CTXN3: variants seen among roughly 807,000 people sequenced by gnomAD.
CTXN3 encodes cortexin-3.
CTXN3 carries 4 observed loss-of-function variants against 5.0 expected under a neutral mutation model. The observed-to-expected ratio is 0.79, with a 90% CI of 0.39 to 1.82. CTXN3 has a LOEUF of 1.82. Among genes scored for constraint, CTXN3 ranks in the 40% most tolerant of loss-of-function variants. The probability of loss-of-function intolerance (pLI) is 0.04; values close to 1 mark genes in which losing one functional copy is unlikely to be tolerated. For missense variants in CTXN3, 89 were observed against 99.7 expected, an observed-to-expected ratio of 0.89 and a Z score of 0.46; for synonymous variants, 48 against 38.6, an observed-to-expected ratio of 1.24 and a Z score of -0.91.
In CTXN3 at chr5:127,657,493, G is replaced by A; in HGVS notation, c.-29G>A. The A allele has an allele frequency of 1.9e-6, 3 of 1,611,412 alleles. No homozygotes were observed. The highest frequency in any genetic ancestry group is 2.5e-6 in the Non-Finnish European group (3 of 1,178,612). ...TGATGATGGAAGAAAAGAAAACCAGGATATCCTGTGCTCTGGCTTCCCTGG... is the reference window on the plus strand; with the variant it reads ...TGATGATGGAAGAAAAGAAAACCAGAATATCCTGTGCTCTGGCTTCCCTGG... On this transcript the variant is annotated 5_prime_UTR_variant, in exon 3 of 3. Transcript: ENST00000379445.
chr5:127,657,454 T>A lies in CTXN3; in HGVS notation c.-68T>A. On this transcript the variant is annotated 5_prime_UTR_variant, in exon 3 of 3. It removes an upstream start codon present in the reference 5' UTR. Transcript: ENST00000379445. ...CAGCCTCTCCAGAGTGCAGCCACCA[T>A]GACCTCCGCAGATTGATGATGGAAG... The A allele has an allele frequency of 6.3e-7, 1 of 1,582,602 alleles. No individual in the cohort carries two copies. Among genetic ancestry groups the A allele is most frequent in the Middle Eastern group, 1.8e-4 (1 of 5,608 alleles).
chr5:127,655,757 A>T (rs990624626), intron 2 of CTXN3, among the ~76,000 whole-genome samples: 4 of 152,190 alleles, frequency 2.6e-5, no homozygotes, highest in Non-Finnish European at 4.4e-5. Flanking sequence ...TTATTTTTTT[A>T]AAATGCGGTC....
intron 2 of CTXN3, among the ~76,000 whole-genome samples, chr5:127,654,384 C>T (rs1235156491): frequency 2.6e-5 from 4 of 152,140 alleles, no homozygotes; most frequent in Admixed American, 2.6e-4. Context: ...TTCCTTTGTA[C>T]CTTGCCTTTT....
intron 1 of CTXN3, chr5:127,651,965 A>C (rs140396301): frequency 5.3e-5 from 8 of 152,344 alleles, no homozygotes; most frequent in African/African-American, 1.2e-4. Flanking sequence ...AGAAGGGTAC[A>C]TGTTGACATT....
chr5:127,655,388 A>T (rs925146858), intron 2 of CTXN3, among the ~76,000 whole-genome samples: 2 of 152,232 alleles, frequency 1.3e-5, no homozygotes, highest in African/African-American at 4.8e-5. Flanking sequence ...GATTCTGATA[A>T]TCCTGCAAGG....
chr5:127,654,241 A>T (rs1400191561), intron 2 of CTXN3, among the ~76,000 whole-genome samples: 2 of 152,214 alleles, frequency 1.3e-5, no homozygotes, highest in African/African-American at 4.8e-5. Context: ...CCAATGTGCT[A>T]CAGAGTTTTA....
intron 2 of CTXN3, among the ~76,000 whole-genome samples, chr5:127,655,245 A>G: frequency 6.6e-6 from 1 of 152,202 alleles, no homozygotes; most frequent in African/African-American, 2.4e-5. Flanking sequence ...CTTGGGCAAC[A>G]AGAGCGAAAC....
At chr5:127,650,688 C>A (rs534179019) in intron 1 of CTXN3, among the ~76,000 whole-genome samples, 1 of 152,140 alleles carries the variant, frequency 6.6e-6, no homozygotes, top group African/African-American at 2.4e-5. Context: ...TAGAATAATA[C>A]ACAGAATTTC....
chr5:127,656,012 C>G (rs1356915569), intron 2 of CTXN3, among the ~76,000 whole-genome samples: 2 of 152,106 alleles, frequency 1.3e-5, no homozygotes, highest in African/African-American at 2.4e-5. Flanking sequence ...TAATGCTGTA[C>G]TTGAAGGCAA....
At chr5:127,653,178 G>T (rs1276299438) in intron 1 of CTXN3, 139 bp from the exon 2 acceptor site, 1 of 152,208 alleles carries the variant, frequency 6.6e-6, no homozygotes, top group African/African-American at 2.4e-5. Context: ...CAATGACTAC[G>T]CCTGCTGGGC....
chr5:127,655,737 C>T (rs1254736296), intron 2 of CTXN3, among the ~76,000 whole-genome samples: 1 of 152,108 alleles, frequency 6.6e-6, no homozygotes, highest in Non-Finnish European at 1.5e-5. Flanking sequence ...CCTCTAAATT[C>T]CTAAAGAGCT....
chr5:127,654,123 G>A (rs868555673), intron 2 of CTXN3, among the ~76,000 whole-genome samples: 8 of 152,242 alleles, frequency 5.3e-5, no homozygotes, highest in Middle Eastern at 3.4e-3. Context: ...ACTTTCCTAG[G>A]TAAAATATTG....
intron 2 of CTXN3, chr5:127,653,770 G>A (rs976454430): frequency 2.0e-5 from 3 of 152,034 alleles, no homozygotes; most frequent in East Asian, 1.9e-4. Context: ...TTTCTAAATC[G>A]GTAAATTATT....
At chr5:127,651,666 A>G (rs1468758442) in intron 1 of CTXN3, 1 of 152,146 alleles carries the variant, frequency 6.6e-6, no homozygotes, top group Non-Finnish European at 1.5e-5. Context: ...ACTATGTGCC[A>G]GGCAGGACTA....
At chr5:127,650,775 G>A (rs1749768991) in intron 1 of CTXN3, among the ~76,000 whole-genome samples, 1 of 152,186 alleles carries the variant, frequency 6.6e-6, no homozygotes, top group African/African-American at 2.4e-5. Flanking sequence ...TTATACAGAT[G>A]ACTCACAGTT....
Position 127,657,608 on chromosome 5 carries a change from G to A in CTXN3, c.87G>A (p.Met29Ile). Residue 29 changes from methionine (M) to isoleucine (I), a missense_variant, in exon 3 of 3, where the codon ATG (methionine) becomes ATA (isoleucine). By Grantham distance (10) the Met-to-Ile change is conservative. Transcript: ENST00000379445. ...ADSSMSLEQK[M>I]TFVFVILLFI... ...CTAGCATGTCCCTGGAGCAGAAAATGACATTTGTTTTTGTGATTCTGTTGT... is the reference window on the plus strand; with the variant it reads ...CTAGCATGTCCCTGGAGCAGAAAATAACATTTGTTTTTGTGATTCTGTTGT... 1 of 1,614,206 alleles carries A rather than the reference G, an allele frequency of 6.2e-7. No homozygotes were observed. The highest frequency in any genetic ancestry group is 8.5e-7 in the Non-Finnish European group (1 of 1,180,026).
intron 1 of CTXN3, among the ~76,000 whole-genome samples, chr5:127,651,157 T>C (rs1749777527): frequency 6.6e-6 from 1 of 152,112 alleles, no homozygotes; most frequent in Non-Finnish European, 1.5e-5. Flanking sequence ...ATAAATAAGG[T>C]TGATAGTATA....
intron 2 of CTXN3, among the ~76,000 whole-genome samples, chr5:127,656,897 A>G (rs1303332679): frequency 1.3e-5 from 2 of 152,202 alleles, no homozygotes; most frequent in East Asian, 3.9e-4. Flanking sequence ...GCTCCTGGAG[A>G]AGGTTTCTAT....
chr5:127,650,648 T>G (rs150709797), intron 1 of CTXN3, among the ~76,000 whole-genome samples: 2 of 152,340 alleles, frequency 1.3e-5, no homozygotes, highest in African/African-American at 4.8e-5. Flanking sequence ...TATCTTTGTG[T>G]GTATATCCTG....
Sources: allele counts gnomAD v4.1 joint callset (sites outside exome capture counted in the v4.1 genomes callset), GRCh38; gene constraint gnomAD v4.1.1; transcripts MANE v1.5; gene names NCBI Gene and HGNC (gene_info 2026-07-23, HGNC 2026-07-21).